The following TAFA2 variants were observed in gnomAD, a reference collection of about 807,000 sequenced individuals.
TAFA2 encodes chemokine-like protein TAFA-2.
A neutral mutation model predicts 18.8 loss-of-function variants in TAFA2; 7 were observed. That is an observed-to-expected ratio of 0.37 (90% CI 0.21 to 0.70). The LOEUF (loss-of-function observed/expected upper bound fraction) is 0.70, where lower values mean the gene tolerates loss of function less well. TAFA2 is among the 30% of genes least tolerant of loss of function. The pLI, the probability that TAFA2 is intolerant of heterozygous loss-of-function variation, is 0.53. For missense variants in TAFA2, 122 were observed against 158.1 expected, an observed-to-expected ratio of 0.77 and a Z score of 1.23; for synonymous variants, 60 against 54.2, an observed-to-expected ratio of 1.11 and a Z score of -0.47.
intron 2 of TAFA2, among the ~76,000 whole-genome samples, chr12:61,829,981 A>G (rs573611262): frequency 6.6e-5 from 10 of 151,836 alleles, no homozygotes; most frequent in Admixed American, 4.6e-4. Context: ...TGTAGACAAT[A>G]AGAATGCAGA....
intron 2 of TAFA2, among the ~76,000 whole-genome samples, chr12:61,775,668 A>T (rs537454250): frequency 7.9e-5 from 12 of 151,860 alleles, no homozygotes; most frequent in Non-Finnish European, 1.3e-4. Context: ...CAGGATTTTT[A>T]GGGCAGTGAA....
chr12:61,954,601 C>T (rs115932345), intron 1 of TAFA2, among the ~76,000 whole-genome samples: 3,222 of 152,114 alleles, frequency 0.021, 127 homozygotes, highest in African/African-American at 0.073. Flanking sequence ...TTGGGGTGGA[C>T]TTGAGCTGAC....
intron 1 of TAFA2, among the ~76,000 whole-genome samples, chr12:62,078,242 C>T (rs934084128): frequency 5.3e-5 from 8 of 152,084 alleles, no homozygotes; most frequent in African/African-American, 1.9e-4. Context: ...AATTCCTAAC[C>T]ATAAAAGGCA....
intron 1 of TAFA2, among the ~76,000 whole-genome samples, chr12:61,939,950 G>C (rs914318721): frequency 1.6e-4 from 25 of 152,196 alleles, no homozygotes; most frequent in African/African-American, 6.0e-4. Context: ...CATGACAATA[G>C]ATTTAACAGT....
chr12:61,930,806 G>T (rs1877524279), intron 1 of TAFA2, among the ~76,000 whole-genome samples: 1 of 152,170 alleles, frequency 6.6e-6, no homozygotes, highest in South Asian at 2.1e-4. Context: ...TAATTCCCAT[G>T]AATAGCAATG....
intron 1 of TAFA2, among the ~76,000 whole-genome samples, chr12:62,239,904 CACTA>C (rs1208519910): frequency 1.3e-5 from 2 of 152,060 alleles, no homozygotes; most frequent in African/African-American, 4.8e-5. Context: ...TGTTTTAAGC[CACTA>C]ACTTTCAAGT....
rs149823247 is a variant in TAFA2 at position 61,912,973 on chromosome 12, GAGA to G, written c.-1-45550_-1-45548del. ...GAATCCACACTGGGTATATAAATGA[GAGA>G]AGAAGGTCTGGTGAAAACCATAAGG... On this transcript the variant is annotated intron_variant, in intron 1 of 4. Transcript: ENST00000416284. Among the ~76,000 whole-genome samples, 358 of 152,296 alleles carry G rather than the reference GAGA, an allele frequency of 2.4e-3. 1 individual carries two copies. The highest frequency in any genetic ancestry group is 8.1e-3 in the African/African-American group (338 of 41,568).
intron 1 of TAFA2, among the ~76,000 whole-genome samples, chr12:62,085,733 A>G (rs1351903950): frequency 2.0e-5 from 3 of 152,142 alleles, no homozygotes; most frequent in African/African-American, 4.8e-5. Context: ...TTTAAATCAA[A>G]ATGGATAACA....
intron 1 of TAFA2, among the ~76,000 whole-genome samples, chr12:62,010,713 C>T (rs1009973352): frequency 4.0e-5 from 6 of 150,008 alleles, no homozygotes; most frequent in East Asian, 2.0e-4. Context: ...GTGGGCGCCT[C>T]TGCCCGGCCG....
chr12:61,955,600 C>CAAAAAAAAAA (rs869189343), intron 1 of TAFA2, among the ~76,000 whole-genome samples: 1 of 38,938 alleles, frequency 2.6e-5, no homozygotes, highest in Non-Finnish European at 3.9e-5. Context: ...GACTCCATCT[C>CAAAAAAAAAA]AAAAAAAAAA....
intron 4 of TAFA2, among the ~76,000 whole-genome samples, chr12:61,729,401 G>A (rs181098122): frequency 7.9e-5 from 12 of 151,720 alleles, no homozygotes; most frequent in African/African-American, 2.9e-4. Context: ...CAAACTTCTT[G>A]GAGGCTCTAT....
chr12:62,092,639 C>A (rs932505024), intron 1 of TAFA2, among the ~76,000 whole-genome samples: 1 of 151,988 alleles, frequency 6.6e-6, no homozygotes, highest in Non-Finnish European at 1.5e-5. Flanking sequence ...CTTCTAATAA[C>A]CCCAATGTCT....
chr12:61,998,981 T>A (rs772077503), intron 1 of TAFA2, among the ~76,000 whole-genome samples: 1 of 152,214 alleles, frequency 6.6e-6, no homozygotes, highest in Non-Finnish European at 1.5e-5. Context: ...GCTAACCTGC[T>A]CTGTAACAAT....
chr12:62,179,835 T>C (rs1373123969), intron 1 of TAFA2, among the ~76,000 whole-genome samples: 1 of 152,198 alleles, frequency 6.6e-6, no homozygotes, highest in African/African-American at 2.4e-5. Flanking sequence ...TTCTTCCTCG[T>C]TATATCCCAC....
intron 2 of TAFA2, among the ~76,000 whole-genome samples, chr12:61,776,886 G>C (rs960553644): frequency 6.6e-6 from 1 of 151,652 alleles, no homozygotes; most frequent in African/African-American, 2.4e-5. Flanking sequence ...TAACTTCTCA[G>C]TGTTAATCTT....
At chr12:61,904,915 A>T (rs887298625) in intron 1 of TAFA2, among the ~76,000 whole-genome samples, 2 of 152,220 alleles carry the variant, frequency 1.3e-5, no homozygotes, top group African/African-American at 4.8e-5. Context: ...AAATGTTACA[A>T]AAATCTACTG....
chr12:61,894,655 T>G (rs1447165358), intron 1 of TAFA2, among the ~76,000 whole-genome samples: 3 of 152,238 alleles, frequency 2.0e-5, no homozygotes, highest in African/African-American at 7.2e-5. Flanking sequence ...ATACTTAATG[T>G]TCTTGTTAAC....
At chr12:61,744,119 C>A (rs182287047) in intron 4 of TAFA2, among the ~76,000 whole-genome samples, 1 of 152,200 alleles carries the variant, frequency 6.6e-6, no homozygotes, top group Non-Finnish European at 1.5e-5. Flanking sequence ...TTTTATCTAT[C>A]AGCCCTCAGG....
intron 1 of TAFA2, among the ~76,000 whole-genome samples, chr12:62,221,552 T>C (rs1448070915): frequency 6.6e-6 from 1 of 152,110 alleles, no homozygotes; most frequent in Non-Finnish European, 1.5e-5. Flanking sequence ...AAAGATCTAT[T>C]CATATATGAA....
Sources: gnomAD v4.1 joint callset for allele counts (sites outside exome capture counted in the v4.1 genomes callset) on GRCh38, gnomAD v4.1.1 for gene constraint, MANE v1.5 for transcripts, NCBI Gene and HGNC (gene_info 2026-07-23, HGNC 2026-07-21) for gene names.